The following CLN3 variants were observed in gnomAD, a reference collection of about 807,000 sequenced individuals.
The protein encoded by CLN3 is battenin.
CLN3 carries 49 observed loss-of-function variants against 60.7 expected under a neutral mutation model. That is an observed-to-expected ratio of 0.81 (90% CI 0.64 to 1.02). The LOEUF is 1.02. CLN3 is among the 50% of genes least tolerant of loss of function. The pLI, the probability that CLN3 is intolerant of heterozygous loss-of-function variation, is 0.00. For synonymous variants in CLN3, 256 were observed against 245.8 expected, an observed-to-expected ratio of 1.04 and a Z score of -0.39; for missense variants, 516 against 557.4, an observed-to-expected ratio of 0.93 and a Z score of 0.75.
chr16:28,484,259 T>A, intron 9 of CLN3, 141 bp from the exon 10 acceptor site: 1 of 704,816 alleles, frequency 1.4e-6, no homozygotes, highest in African/African-American at 1.8e-5. Context: ...CTAAGGCTCC[T>A]ACGCTGTGCG....
chr16:28,488,048 A>C, intron 5 of CLN3: 2 of 315,486 alleles, frequency 6.3e-6, no homozygotes, highest in South Asian at 3.1e-5. Flanking sequence ...AACTATATAT[A>C]TATATATTTT....
At chr16:28,486,874 T>C in intron 7 of CLN3, 1 of 616,628 alleles carries the variant, frequency 1.6e-6, no homozygotes, top group South Asian at 1.8e-5. Context: ...GGGGCAGACA[T>C]GCACCCTTGA....
In CLN3 at chr16:28,487,435, GAC is replaced by G; in HGVS notation, c.460+19_460+20del. On this transcript the variant is annotated intron_variant, in intron 7 of 15. Coordinates refer to ENST00000636147, the MANE Select transcript of CLN3 (RefSeq NM_001042432.2). ...TGTGGTTCCTCGGGGCTCCCCATCTGACACAGAACCACACACTCACCACACAG... is the reference window on the plus strand; with the variant it reads ...TGTGGTTCCTCGGGGCTCCCCATCTGACAGAACCACACACTCACCACACAG... The G allele has an allele frequency of 3.1e-6, 5 of 1,601,684 alleles. No homozygotes were observed. The highest frequency in any genetic ancestry group is 3.4e-6 in the Non-Finnish European group (4 of 1,168,846).
At chr16:28,474,349 AC>A (rs2141689998), downstream of CLN3, 1 of 152,416 alleles carries the variant, frequency 6.6e-6, no homozygotes, top group Admixed American at 6.5e-5. Context: ...AATCCCAGCT[AC>A]TTGGGAGGCT....
chr16:28,483,938 T>C, intron 10 of CLN3, 68 bp downstream of exon 10: 1 of 1,105,014 alleles, frequency 9.0e-7, no homozygotes, highest in South Asian at 1.3e-5. Flanking sequence ...ACTTTGCCTA[T>C]TGCAGAGAGG....
downstream of CLN3, among the ~76,000 whole-genome samples, chr16:28,472,030 CAA>C (rs944388852): frequency 7.0e-6 from 1 of 142,490 alleles, no homozygotes; most frequent in Admixed American, 7.0e-5. Context: ...ACTCCGTCTC[CAA>C]AAAAAAAAAG....
Position 28,482,037 on chromosome 16 carries a change from G to A in CLN3, c.1056+68C>T. On this transcript the variant is annotated intron_variant, in intron 14 of 15. Coordinates refer to ENST00000636147, the MANE Select transcript of CLN3 (RefSeq NM_001042432.2). ...TCCCACTGATAGTGGGAAGCAGGGG[G>A]TTTGGGGAAGCTGGGAGCCAAGCTG... 6 of 1,228,202 alleles carry A rather than the reference G, an allele frequency of 4.9e-6. No individual in the cohort carries two copies. In the South Asian group the frequency reaches 5.0e-5, roughly 10 times the overall value. 76.1% of individuals were successfully genotyped at this position (1,228,202 alleles called of 1,614,324 possible). A position where few individuals can be genotyped will look rare whatever the true frequency, so the allele number is the denominator to read the frequency against.
chr16:28,475,313 A>G (rs1023014229), downstream of CLN3: 5 of 152,424 alleles, frequency 3.3e-5, no homozygotes, highest in African/African-American at 1.2e-4. Flanking sequence ...AAACACGGGT[A>G]TAATGCAATG....
chr16:28,478,857 G>A (rs530819313), intron 14 of CLN3, among the ~76,000 whole-genome samples: 3 of 152,016 alleles, frequency 2.0e-5, no homozygotes, highest in East Asian at 3.9e-4. Context: ...CCAAACATCC[G>A]CTGGGCAGCA....
chr16:28,473,758 T>C (rs1056816269), downstream of CLN3, among the ~76,000 whole-genome samples: 18 of 151,928 alleles, frequency 1.2e-4, no homozygotes, highest in African/African-American at 4.3e-4. Flanking sequence ...GGCTCTTTAA[T>C]AAAAAAAGAC....
chr16:28,468,572 G>A, the CLN3 span, among the ~76,000 whole-genome samples: 11 of 136,578 alleles, frequency 8.1e-5, no homozygotes, highest in African/African-American at 3.0e-4. Flanking sequence ...ACTTTGGGAA[G>A]CCGAGGTGGG....
At chr16:28,490,872 C>A (rs1340629124) in intron 3 of CLN3, 1 of 151,552 alleles carries the variant, frequency 6.6e-6, no homozygotes, top group African/African-American at 2.4e-5. Context: ...AGTTTGAGAC[C>A]AGCCCAGGTC....
chr16:28,476,484 T>C (rs1308765702), downstream of CLN3: 1 of 151,676 alleles, frequency 6.6e-6, no homozygotes, highest in Non-Finnish European at 1.5e-5. Flanking sequence ...AGGTCAAGGC[T>C]ACAGTGAGCC....
At chr16:28,486,026 C>G (rs1402721393) in intron 9 of CLN3, among the ~76,000 whole-genome samples, 2 of 151,072 alleles carry the variant, frequency 1.3e-5, no homozygotes, top group Non-Finnish European at 2.9e-5. Flanking sequence ...GAGACAGAGT[C>G]TAACTCTGTC....
intron 13 of CLN3, 62 bp downstream of exon 13, chr16:28,482,265 A>G (rs1389671253): frequency 3.4e-5 from 54 of 1,604,808 alleles, no homozygotes; most frequent in Non-Finnish European, 4.3e-5. Flanking sequence ...CCCGGTGCCT[A>G]CTGGGCAGGG....
chr16:28,482,044 G>GAAGCTGGGAGCC (rs986505204), intron 14 of CLN3, 61 bp downstream of exon 14: 2 of 1,320,058 alleles, frequency 1.5e-6, no homozygotes, highest in East Asian at 2.3e-5. Flanking sequence ...GGGGTTTGGG[G>GAAGCTGGGAGCC]AAGCTGGGAG....
chr16:28,478,617 TAA>T (rs766238150), intron 14 of CLN3, among the ~76,000 whole-genome samples: 6 of 74,354 alleles, frequency 8.1e-5, no homozygotes, highest in African/African-American at 3.1e-4. Context: ...TCCTGTCTCA[TAA>T]AAAAAAAAAA....
chr16:28,478,616 A>AT (rs1236379586), intron 14 of CLN3, among the ~76,000 whole-genome samples: 3 of 103,612 alleles, frequency 2.9e-5, no homozygotes, highest in Admixed American at 1.2e-4. Context: ...ATCCTGTCTC[A>AT]TAAAAAAAAA....
rs2046155763 is a variant in CLN3, at chr16:28,483,991, G to A, written c.790+15C>T. ...GAGAAAGAAAGTGACCTCTCTGAGGGTCTGTGTCTCCTACCTGGCTTCGAC... is the reference window on the plus strand; with the variant it reads ...GAGAAAGAAAGTGACCTCTCTGAGGATCTGTGTCTCCTACCTGGCTTCGAC... On this transcript the variant is annotated intron_variant, in intron 10 of 15. Coordinates refer to ENST00000636147, the MANE Select transcript of CLN3 (RefSeq NM_001042432.2). 1.3e-6 allele frequency: 2 copies of A among 1,581,812 alleles called. No homozygotes were observed.
Sources: allele counts gnomAD v4.1 joint callset (sites outside exome capture counted in the v4.1 genomes callset), GRCh38; gene constraint gnomAD v4.1.1; transcripts MANE v1.5; gene names NCBI Gene and HGNC (gene_info 2026-07-23, HGNC 2026-07-21).